Variants in KYNU observed in about 807,000 individuals in gnomAD.
The protein encoded by KYNU is L-kynurenine hydrolase.
In KYNU, 54 loss-of-function variants were observed where a neutral mutation model predicts 59.2. The observed-to-expected ratio is 0.91, with a 90% CI of 0.73 to 1.14. The LOEUF is 1.14. Ranked by LOEUF, KYNU falls within the 50% of genes most tolerant of loss-of-function variation. KYNU has a pLI of 0.00. For missense variants in KYNU, 567 were observed against 554.4 expected, an observed-to-expected ratio of 1.02 and a Z score of -0.23; for synonymous variants, 177 against 192.0, an observed-to-expected ratio of 0.92 and a Z score of 0.65.
chr2:142,909,162 T>TTG (rs568968947), intron 2 of KYNU, among the ~76,000 whole-genome samples: 6 of 26,244 alleles, frequency 2.3e-4, no homozygotes, highest in African/African-American at 3.1e-4. Context: ...ATATATCAAG[T>TTG]TTTTTTTTTT....
At chr2:143,020,084 G>GTTGATCTTTTATATTTGTTTTA in intron 10 of KYNU, among the ~76,000 whole-genome samples, 1 of 151,440 alleles carries the variant, frequency 6.6e-6, no homozygotes, top group Non-Finnish European at 1.5e-5. Flanking sequence ...ATTTAGTTTT[G>GTTGATCTTTTATATTTGTTTTA]TTGATCTTTT....
Position 143,042,105 on chromosome 2 carries a change from T to C in KYNU, c.1331T>C (p.Phe444Ser). Residue 444 changes from phenylalanine to serine, a missense_variant, in exon 14 of 14, where the codon TTC becomes TCC. Transcript: ENST00000264170. Reference protein sequence around the residue: ...RVAPVPLYNSFHDVYKFTNLL... With the variant: ...RVAPVPLYNSSHDVYKFTNLL... ...GCTCCAGTTCCTCTCTATAATTCTTTCCATGATGTTTATAAATTTACCAAT... is the reference window on the plus strand; with the variant it reads ...GCTCCAGTTCCTCTCTATAATTCTTCCCATGATGTTTATAAATTTACCAAT... The C allele has an allele frequency of 6.2e-7, 1 of 1,611,290 alleles. No homozygotes were observed. The highest frequency in any genetic ancestry group is 8.5e-7 in the Non-Finnish European group (1 of 1,178,220).
chr2:142,937,145 G>A (rs1683417999), intron 4 of KYNU, among the ~76,000 whole-genome samples: 1 of 152,042 alleles, frequency 6.6e-6, no homozygotes, highest in South Asian at 2.1e-4. Flanking sequence ...TCCAACCAGG[G>A]TAGCTATCTT....
chr2:142,982,538 G>T lies in KYNU; in HGVS notation c.730-2546G>T, dbSNP rs191509593. On this transcript the variant is annotated intron_variant, in intron 8 of 13. Coordinates refer to ENST00000264170, the MANE Select transcript of KYNU (RefSeq NM_003937.3). ...TTTTTAACATTGTGAATTCCACTAG[G>T]CAGACACACAAAACACTTAAAACCT... Among the ~76,000 whole-genome samples, 432 of 152,124 alleles carry T rather than the reference G, an allele frequency of 2.8e-3. 1 individual carries two copies. The highest frequency in any genetic ancestry group is 6.2e-3 in the South Asian group (30 of 4,826).
At chr2:142,957,780 C>A in intron 7 of KYNU, 65 bp downstream of exon 7, 1 of 1,043,520 alleles carries the variant, frequency 9.6e-7, no homozygotes. Flanking sequence ...CTTCATTTTC[C>A]TCAAAAGTTT....
At chr2:142,962,519 T>C (rs1684386170) in intron 8 of KYNU, among the ~76,000 whole-genome samples, 1 of 152,214 alleles carries the variant, frequency 6.6e-6, no homozygotes, top group Non-Finnish European at 1.5e-5. Flanking sequence ...AAACACAAAA[T>C]AAATTTGTTT....
intron 10 of KYNU, among the ~76,000 whole-genome samples, chr2:143,006,196 C>T (rs924078607): frequency 2.6e-5 from 4 of 152,162 alleles, no homozygotes; most frequent in African/African-American, 9.6e-5. Context: ...CCAGTGGGTG[C>T]ACGCACCGTG....
chr2:142,985,885 A>G lies in KYNU; in HGVS notation c.829-63A>G, dbSNP rs566425821. On this transcript the variant is annotated intron_variant, in intron 9 of 13. Transcript: ENST00000264170. ...TTTCAATTAAAAAATTCAAATGACT[A>G]CATTGTTTAGTTTTGTCATATATTT... 1.4e-4 allele frequency: 149 copies of G among 1,087,346 alleles called. 2 individuals carry two copies. The East Asian group carries it at 3.7e-3, about 27-fold the overall frequency. 67.4% of individuals were successfully genotyped at this position (1,087,346 alleles called of 1,614,324 possible).
intron 4 of KYNU, among the ~76,000 whole-genome samples, chr2:142,949,560 G>A (rs1683916207): frequency 6.6e-6 from 1 of 152,232 alleles, no homozygotes. Flanking sequence ...TGAAGCCACA[G>A]ACTGAGCTGT....
At chr2:143,001,161 C>A (rs1685699908) in intron 10 of KYNU, among the ~76,000 whole-genome samples, 1 of 152,108 alleles carries the variant, frequency 6.6e-6, no homozygotes, top group South Asian at 2.1e-4. Context: ...CAGATCCTAT[C>A]TAGGCAAGAG....
At chr2:142,916,552 AC>A (rs1234220552) in intron 2 of KYNU, among the ~76,000 whole-genome samples, 1 of 152,184 alleles carries the variant, frequency 6.6e-6, no homozygotes, top group Non-Finnish European at 1.5e-5. Context: ...CTGGGTATTA[AC>A]AGAACAAATG....
chr2:143,020,306 A>G (rs1290355777), intron 10 of KYNU, among the ~76,000 whole-genome samples: 1 of 152,096 alleles, frequency 6.6e-6, no homozygotes, highest in African/African-American at 2.4e-5. Flanking sequence ...GCTGTATCCC[A>G]TAGGTTCAGG....
chr2:143,001,855 A>G (rs1033654919), intron 10 of KYNU, among the ~76,000 whole-genome samples: 2 of 152,218 alleles, frequency 1.3e-5, no homozygotes, highest in African/African-American at 4.8e-5. Flanking sequence ...GGAAATGACT[A>G]TGCCCATTTC....
chr2:142,944,650 T>C lies in KYNU; in HGVS notation c.374-10160T>C, dbSNP rs75970340. On this transcript the variant is annotated intron_variant, in intron 4 of 13. Transcript: ENST00000264170. ...AAGTAAAGGAATGAAGAAAAACAAC[T>C]TGAATAAACTTTGGTTAACTTTTAA... Among the ~76,000 whole-genome samples the C allele has an allele frequency of 6.6e-5, 10 of 152,204 alleles. No homozygotes were observed. The East Asian group carries it at 1.7e-3, about 26-fold the overall frequency.
intron 10 of KYNU, among the ~76,000 whole-genome samples, chr2:142,987,226 T>C (rs1685232843): frequency 6.6e-6 from 1 of 151,858 alleles, no homozygotes. Context: ...ACCCTGGCCA[T>C]TTCTCAGTCT....
intron 4 of KYNU, among the ~76,000 whole-genome samples, chr2:142,945,611 TG>T (rs1683746015): frequency 6.6e-6 from 1 of 152,204 alleles, no homozygotes; most frequent in South Asian, 2.1e-4. Context: ...CCAATAATCA[TG>T]AATGTTCTTA....
chr2:143,027,759 A>G (rs1201489006), intron 10 of KYNU, among the ~76,000 whole-genome samples: 1 of 152,028 alleles, frequency 6.6e-6, no homozygotes, highest in Admixed American at 6.6e-5. Flanking sequence ...AATCATGAGT[A>G]TGTAAATATA....
chr2:142,923,310 T>A (rs895727301), intron 3 of KYNU, among the ~76,000 whole-genome samples: 1 of 152,216 alleles, frequency 6.6e-6, no homozygotes, highest in African/African-American at 2.4e-5. Context: ...TTCAACTCTA[T>A]GGGATTTCTA....
chr2:143,015,001 C>T (rs994840427), intron 10 of KYNU, among the ~76,000 whole-genome samples: 1 of 152,108 alleles, frequency 6.6e-6, no homozygotes, highest in Non-Finnish European at 1.5e-5. Context: ...TCAAGTGATT[C>T]TTCCACCCTA....
Sources: gnomAD v4.1 joint callset for allele counts (sites outside exome capture counted in the v4.1 genomes callset) on GRCh38, gnomAD v4.1.1 for gene constraint, MANE v1.5 for transcripts, NCBI Gene and HGNC (gene_info 2026-07-23, HGNC 2026-07-21) for gene names.